Variants in SRGAP3 observed in about 807,000 individuals in gnomAD.
SRGAP3 encodes the protein SLIT-ROBO Rho GTPase-activating protein 3.
In SRGAP3, 39 loss-of-function variants were observed where a neutral mutation model predicts 121.1. The observed-to-expected ratio is 0.32, with a 90% CI of 0.25 to 0.42. The LOEUF is 0.42. SRGAP3 is among the 10% of genes least tolerant of loss of function. The pLI is 1.00. For synonymous variants in SRGAP3, 601 were observed against 570.0 expected, an observed-to-expected ratio of 1.05 and a Z score of -0.77; for missense variants, 1,213 against 1,470.6, an observed-to-expected ratio of 0.82 and a Z score of 2.86.
chr3:9,038,012 A>T, intron 11 of SRGAP3, 51 bp downstream of exon 11: 1 of 1,612,858 alleles, frequency 6.2e-7, no homozygotes, highest in Non-Finnish European at 8.5e-7. Context: ...GCCCCATCCC[A>T]CTCCCACCTC....
At position 8,996,016 on chromosome 3, in the gene SRGAP3, TCACA is replaced by T. The variant is rs541838321; in HGVS notation, c.2228-1497_2228-1494del. On this transcript the variant is annotated intron_variant, in intron 18 of 21. Transcript: ENST00000383836. Reference sequence around the variant, plus strand: ...ATCGATCTATTCATCCACCTGTCCATCACACAGTTAAGCTCAGAACATTTGGCTT... The same window carrying T: ...ATCGATCTATTCATCCACCTGTCCATCAGTTAAGCTCAGAACATTTGGCTT... 2.5e-3 allele frequency among the ~76,000 whole-genome samples: 374 copies of T among 152,326 alleles called. 1 individual carries two copies. Among genetic ancestry groups the T allele is most frequent in the African/African-American group, 8.0e-3 (332 of 41,564 alleles).
At chr3:9,145,694 CAG>C (rs1949999873) in intron 1 of SRGAP3, among the ~76,000 whole-genome samples, 1 of 152,106 alleles carries the variant, frequency 6.6e-6, no homozygotes, top group Non-Finnish European at 1.5e-5. Flanking sequence ...TGAGCTAAAA[CAG>C]GGGTACACAC....
chr3:9,253,738 A>G (rs1410363160), upstream of SRGAP3, among the ~76,000 whole-genome samples: 1 of 152,218 alleles, frequency 6.6e-6, no homozygotes, highest in Non-Finnish European at 1.5e-5. Flanking sequence ...TAGAATTAAT[A>G]GTGATGATGA....
intron 1 of SRGAP3, among the ~76,000 whole-genome samples, chr3:9,222,037 GA>G (rs1465005104): frequency 1.3e-5 from 2 of 152,196 alleles, no homozygotes; most frequent in Admixed American, 1.3e-4. Context: ...GGGTCTGGCT[GA>G]CCTAGATCTC....
chr3:9,255,026 A>AAGAG (rs1427844266), intron 3 of SRGAP3, among the ~76,000 whole-genome samples: 8 of 143,166 alleles, frequency 5.6e-5, no homozygotes, highest in Non-Finnish European at 8.0e-5. Context: ...AAGAAAGAGA[A>AAGAG]AGAAAGGAAG....
intron 1 of SRGAP3, among the ~76,000 whole-genome samples, chr3:9,146,206 T>C (rs1004669007): frequency 1.3e-5 from 2 of 152,194 alleles, no homozygotes; most frequent in African/African-American, 4.8e-5. Flanking sequence ...ACGTGTTGAC[T>C]GACAAATCCT....
At position 9,130,142 on chromosome 3, in the gene SRGAP3, A is replaced by C. The variant is rs546124787; in HGVS notation, c.68-5225T>G. On this transcript the variant is annotated intron_variant, in intron 1 of 21. Coordinates refer to ENST00000383836, the MANE Select transcript of SRGAP3 (RefSeq NM_014850.4). ...GGAAGCCTCAGCTCACACACACACA[A>C]ACAAACATATGGCACACACATTCAC... is the stretch of plus-strand genomic sequence containing the variant. Among the ~76,000 whole-genome samples, 44 of 152,158 alleles carry C rather than the reference A, an allele frequency of 2.9e-4. 1 individual carries two copies. Among genetic ancestry groups the C allele is most frequent in the Admixed American group, 2.8e-3 (43 of 15,284 alleles).
At chr3:9,081,249 A>G (rs2125268103) in intron 3 of SRGAP3, 1 of 456,654 alleles carries the variant, frequency 2.2e-6, no homozygotes, top group Non-Finnish European at 4.4e-6. Context: ...GCCTAATCTC[A>G]TCTTACCATT....
chr3:9,026,532 T>C (rs146651239), intron 13 of SRGAP3, among the ~76,000 whole-genome samples: 256 of 152,334 alleles, frequency 1.7e-3, no homozygotes, highest in African/African-American at 5.8e-3. Context: ...GCAAAAGTAA[T>C]TGCGGTTTTT....
At chr3:9,158,662 A>G (rs1450970760) in intron 1 of SRGAP3, among the ~76,000 whole-genome samples, 3 of 152,176 alleles carry the variant, frequency 2.0e-5, no homozygotes, top group Non-Finnish European at 1.5e-5. Context: ...AGAGAAATTT[A>G]AGAAGCTATT....
intron 3 of SRGAP3, among the ~76,000 whole-genome samples, chr3:9,274,478 G>A (rs1954534572): frequency 6.6e-6 from 1 of 152,188 alleles, no homozygotes; most frequent in South Asian, 2.1e-4. Context: ...AAAACTTCAT[G>A]TGGCCCCACA....
intron 1 of SRGAP3, among the ~76,000 whole-genome samples, chr3:9,223,640 G>A (rs959334507): frequency 6.6e-6 from 1 of 152,172 alleles, no homozygotes; most frequent in African/African-American, 2.4e-5. Context: ...CAACATGAGT[G>A]TGCCATGCAA....
chr3:9,247,099 A>T (rs182727119), intron 1 of SRGAP3, among the ~76,000 whole-genome samples: 3 of 152,240 alleles, frequency 2.0e-5, no homozygotes, highest in Admixed American at 2.0e-4. Flanking sequence ...ACTGTCCAAA[A>T]CTCAACATCC....
At chr3:9,054,412 C>T (rs1343628439) in intron 8 of SRGAP3, among the ~76,000 whole-genome samples, 1 of 150,782 alleles carries the variant, frequency 6.6e-6, no homozygotes, top group Non-Finnish European at 1.5e-5. Flanking sequence ...TTTCTTTAGA[C>T]AATAACTTAA....
chr3:9,354,105 T>C (rs575578642), intron 1 of SRGAP3, among the ~76,000 whole-genome samples: 11 of 146,390 alleles, frequency 7.5e-5, no homozygotes, highest in Admixed American at 6.7e-4. Flanking sequence ...CATTGGGTTG[T>C]AGCTATAATG....
At chr3:9,066,353 G>T (rs575932577) in intron 4 of SRGAP3, among the ~76,000 whole-genome samples, 1 of 152,310 alleles carries the variant, frequency 6.6e-6, no homozygotes, top group South Asian at 2.1e-4. Context: ...CAGAGCCAAG[G>T]CTTCCCCCAG....
chr3:9,190,902 C>T (rs1951733461), intron 1 of SRGAP3, among the ~76,000 whole-genome samples: 1 of 152,154 alleles, frequency 6.6e-6, no homozygotes, highest in African/African-American at 2.4e-5. Flanking sequence ...AGCCAGTCAC[C>T]CCTTTGTTCC....
At position 9,032,649 on chromosome 3, in the gene SRGAP3, C is replaced by A. The variant is rs1944545964; in HGVS notation, c.1539+1G>T. 6.2e-7 allele frequency: 1 copy of A among 1,613,398 alleles called. No individual in the cohort carries two copies. Among genetic ancestry groups the A allele is most frequent in the Non-Finnish European group, 8.5e-7 (1 of 1,179,666 alleles). On this transcript the variant is annotated splice_donor_variant, in intron 12 of 21. Coordinates refer to ENST00000383836, the MANE Select transcript of SRGAP3 (RefSeq NM_014850.4). LOFTEE classifies it high-confidence loss of function. The stretch of plus-strand genomic sequence containing the variant: ...GGACTCCACGGCTCCCCAGCAAGTA[C>A]CTTAATGAATGCTTCCATACTGCCG...
chr3:9,138,256 C>T (rs981062318), intron 1 of SRGAP3, among the ~76,000 whole-genome samples: 2 of 152,160 alleles, frequency 1.3e-5, no homozygotes, highest in African/African-American at 4.8e-5. Context: ...ACCTGGGATG[C>T]TTTATGGTAC....
Sources: allele counts gnomAD v4.1 joint callset (sites outside exome capture counted in the v4.1 genomes callset), GRCh38; gene constraint gnomAD v4.1.1; transcripts MANE v1.5; gene names NCBI Gene and HGNC (gene_info 2026-07-23, HGNC 2026-07-21).